The following RFX6 variants were observed in gnomAD, a reference collection of about 807,000 sequenced individuals.
The protein encoded by RFX6 is regulatory factor X6, also known as DNA-binding protein RFX6.
Under a neutral mutation model 110.8 loss-of-function variants are expected in RFX6, and 50 were observed. The ratio of observed to expected loss-of-function variants is 0.45; its 90% CI spans 0.36 to 0.57. RFX6 has a LOEUF of 0.57. RFX6 is among the 20% of genes least tolerant of loss of function. The pLI is 0.00. For missense variants in RFX6, 990 were observed against 1,127.0 expected (o/e 0.88, Z 1.74); for synonymous variants, 383 against 411.2 (o/e 0.93, Z 0.83).
At chr6:116,908,543 G>A (rs367738099) in intron 6 of RFX6, among the ~76,000 whole-genome samples, 28 of 152,104 alleles carry the variant, frequency 1.8e-4, no homozygotes, top group African/African-American at 6.3e-4. Context: ...AGTAAAAAAG[G>A]TGAGAGCAGG....
chr6:116,889,682 T>G (rs1186212955), intron 4 of RFX6, among the ~76,000 whole-genome samples: 1 of 152,090 alleles, frequency 6.6e-6, no homozygotes, highest in Non-Finnish European at 1.5e-5. Context: ...ATAGTCAAGT[T>G]TCTACAGTAC....
intron 7 of RFX6, among the ~76,000 whole-genome samples, chr6:116,914,684 C>A (rs180994084): frequency 5.9e-5 from 9 of 152,140 alleles, no homozygotes; most frequent in East Asian, 1.9e-4. Context: ...AGCTAAACCA[C>A]AAAGATATGT....
In RFX6 at chr6:116,916,183, T is replaced by G. The variant is rs745680154; in HGVS notation, c.859-18T>G. On this transcript the variant is annotated intron_variant, in intron 8 of 18. Coordinates refer to ENST00000332958, the MANE Select transcript of RFX6 (RefSeq NM_173560.4). Reference sequence around the variant, plus strand: ...GTTAAAGAAAAAAATCTTAACATACTTTTTACTCTGCAACTAGATCCAGCA... The same window carrying G: ...GTTAAAGAAAAAAATCTTAACATACGTTTTACTCTGCAACTAGATCCAGCA... The G allele has an allele frequency of 3.1e-6, 5 of 1,596,760 alleles. No homozygotes were observed. Among genetic ancestry groups the G allele is most frequent in the Non-Finnish European group, 4.3e-6 (5 of 1,164,466 alleles).
Position 116,921,996 on chromosome 6 carries a change from A to G in RFX6, c.1328-46A>G, listed in dbSNP as rs373685761. On this transcript the variant is annotated intron_variant, in intron 12 of 18. Coordinates refer to ENST00000332958, the MANE Select transcript of RFX6 (RefSeq NM_173560.4). ...TTCTCTTGGATTCCAAGTAGAGTACAATATTCTGTTTTCTTTTCTTTCTTT... is the reference window on the plus strand; with the variant it reads ...TTCTCTTGGATTCCAAGTAGAGTACGATATTCTGTTTTCTTTTCTTTCTTT... 3.4e-6 allele frequency: 3 copies of G among 878,184 alleles called. No homozygotes were observed. The African/African-American group carries it at 5.0e-5, about 15-fold the overall frequency. 54.4% of individuals were successfully genotyped at this position (878,184 alleles called of 1,614,324 possible).
intron 15 of RFX6, 102 bp from the exon 16 acceptor site, chr6:116,925,351 A>G: frequency 9.8e-7 from 1 of 1,017,652 alleles, no homozygotes; most frequent in Non-Finnish European, 1.6e-6. Context: ...TTCCAGATTA[A>G]ATACTCAACA....
chr6:116,897,794 G>A (rs772962746), intron 6 of RFX6, among the ~76,000 whole-genome samples: 21 of 152,140 alleles, frequency 1.4e-4, no homozygotes, highest in Non-Finnish European at 2.4e-4. Context: ...GGAAGAAAGA[G>A]TAAAAAGATA....
intron 7 of RFX6, among the ~76,000 whole-genome samples, chr6:116,912,929 A>G (rs1775385029): frequency 6.6e-6 from 1 of 152,028 alleles, no homozygotes; most frequent in Non-Finnish European, 1.5e-5. Context: ...TCCATCATGA[A>G]AGCCAGGGAC....
rs1347215348 is a variant in RFX6, at chr6:116,911,039, C to T, written c.777C>T (p.Asp259=). 2.5e-6 allele frequency: 4 copies of T among 1,584,706 alleles called. No homozygotes were observed. In the South Asian group the frequency reaches 3.3e-5, roughly 13 times the overall value. Residue 259 remains aspartate (D), a synonymous_variant, in exon 7 of 19, where the codon GAC becomes GAT. Coordinates refer to ENST00000332958, the MANE Select transcript of RFX6 (RefSeq NM_173560.4). The part of the protein sequence containing the change: ...HLVYQGCISK[D]KVDTLIMMYK... Reference sequence around the variant, plus strand: ...TATACCAAGGATGCATTTCTAAGGACAAGGTATCAATTACAGATACTTCTC... The same window carrying T: ...TATACCAAGGATGCATTTCTAAGGATAAGGTATCAATTACAGATACTTCTC...
At chr6:116,913,573 G>A (rs1038012948) in intron 7 of RFX6, among the ~76,000 whole-genome samples, 9 of 152,146 alleles carry the variant, frequency 5.9e-5, no homozygotes, top group Admixed American at 5.2e-4. Context: ...AATTGACTAA[G>A]ATTATGTTTA....
chr6:116,906,151 T>C (rs922756200), intron 6 of RFX6, among the ~76,000 whole-genome samples: 1 of 152,220 alleles, frequency 6.6e-6, no homozygotes, highest in African/African-American at 2.4e-5. Flanking sequence ...AGAATGGTTT[T>C]GGCACCCCTA....
intron 7 of RFX6, among the ~76,000 whole-genome samples, 180 bp from the exon 8 acceptor site, chr6:116,915,828 C>T (rs1775449846): frequency 6.6e-6 from 1 of 151,940 alleles, no homozygotes; most frequent in Non-Finnish European, 1.5e-5. Context: ...TTGCTTTTCT[C>T]CCTTCACAAG....
intron 5 of RFX6, among the ~76,000 whole-genome samples, chr6:116,894,330 T>C (rs1468574435): frequency 6.6e-6 from 1 of 152,150 alleles, no homozygotes; most frequent in Non-Finnish European, 1.5e-5. Context: ...TGCTTTTAAA[T>C]TAGTATTTAC....
chr6:116,904,581 GTA>G (rs1260793437), intron 6 of RFX6, among the ~76,000 whole-genome samples: 2 of 151,964 alleles, frequency 1.3e-5, no homozygotes, highest in Non-Finnish European at 2.9e-5. Flanking sequence ...AAGTACATTG[GTA>G]TCATTGTGTA....
chr6:116,927,374 G>A lies in RFX6; in HGVS notation c.2233G>A (p.Ala745Thr), dbSNP rs759783672. 2 of 1,613,826 alleles carry A rather than the reference G, an allele frequency of 1.2e-6. No individual in the cohort carries two copies. The highest frequency in any genetic ancestry group is 4.5e-5 in the East Asian group (2 of 44,882). The change falls in exon 17 of 19, where the codon GCG becomes ACG. Residue 745 changes from alanine (A) to threonine (T), a missense_variant. Ala to Thr is a moderately conservative substitution (Grantham distance 58). Around this residue, in one of 5 missense-constraint regions of RFX6, gnomAD observed 438 missense variants for 441.9 expected, o/e 0.99. Coordinates refer to ENST00000332958, the MANE Select transcript of RFX6 (RefSeq NM_173560.4). ...AAGAGACTTCTTCAGTGGCAGCTGT[G>A]CGGGGTCTCCATATAACTCCCGGCC... ...LSRDFFSGSCAGSPYNSRPPS... is the reference protein window; with the variant it reads ...LSRDFFSGSCTGSPYNSRPPS...
intron 5 of RFX6, 118 bp from the exon 6 acceptor site, chr6:116,895,062 C>T: frequency 3.5e-6 from 2 of 568,710 alleles, no homozygotes; most frequent in African/African-American, 1.9e-5. Context: ...GCAAATTTCT[C>T]CAGCTTATTT....
At chr6:116,900,276 G>C (rs1324531889) in intron 6 of RFX6, among the ~76,000 whole-genome samples, 1 of 151,558 alleles carries the variant, frequency 6.6e-6, no homozygotes, top group Non-Finnish European at 1.5e-5. Flanking sequence ...TTTTTTTTGA[G>C]ATGGAGTCTT....
At chr6:116,924,904 A>G in intron 15 of RFX6, 113 bp downstream of exon 15, 1 of 773,430 alleles carries the variant, frequency 1.3e-6, no homozygotes, top group South Asian at 1.5e-5. Context: ...GTTTTTCTCC[A>G]AACATGTCAT....
chr6:116,885,413 A>G (rs1403688041), intron 4 of RFX6, among the ~76,000 whole-genome samples: 1 of 152,214 alleles, frequency 6.6e-6, no homozygotes, highest in Non-Finnish European at 1.5e-5. Context: ...GAAGTTATTT[A>G]CTGAGTATTA....
At chr6:116,904,947 C>T (rs137985973) in intron 6 of RFX6, among the ~76,000 whole-genome samples, 1,693 of 152,304 alleles carry the variant, frequency 0.011, 29 homozygotes, top group Admixed American at 0.041. Flanking sequence ...GTTGCTTCCA[C>T]GTTTAAGCTA....
Sources: gnomAD v4.1 joint callset for allele counts (sites outside exome capture counted in the v4.1 genomes callset) on GRCh38, gnomAD v4.1.1 for gene constraint, gnomAD v4.1.1 regional missense constraint, MANE v1.5 for transcripts, NCBI Gene and HGNC (gene_info 2026-07-23, HGNC 2026-07-21) for gene names.